Variants in ACSBG1 observed in about 807,000 individuals in gnomAD.
The protein encoded by ACSBG1 is acyl-CoA synthetase bubblegum family member 1, also known as long-chain-fatty-acid--CoA ligase ACSBG1.
Under a neutral mutation model 80.2 loss-of-function variants are expected in ACSBG1, and 39 were observed. That is an observed-to-expected ratio of 0.49 (90% confidence interval 0.38 to 0.64). The LOEUF is 0.64. Among genes scored for constraint, ACSBG1 ranks in the 30% least tolerant of loss-of-function variants. The pLI is 0.00. For synonymous variants in ACSBG1, 392 were observed against 379.5 expected, an observed-to-expected ratio of 1.03 and a Z score of -0.38; for missense variants, 828 against 966.4, an observed-to-expected ratio of 0.86 and a Z score of 1.90.
rs1394788510 is a variant in ACSBG1 at position 78,167,850 on chromosome 15, A to G, written c.*3594T>C. 1.3e-5 allele frequency: 2 copies of G among 152,228 alleles called. No homozygotes were observed. Among genetic ancestry groups the G allele is most frequent in the East Asian group, 1.9e-4 (1 of 5,204 alleles). 9.4% of individuals were successfully genotyped at this position (152,228 alleles called of 1,614,324 possible). ...AAAAAATTCTGTAATTTGAAATTAT[A>G]TCGTGTGGCCAAAATACAAGAAATT... On this transcript the variant is annotated 3_prime_UTR_variant, in exon 14 of 14. Transcript: ENST00000258873.
In ACSBG1 at chr15:78,168,913, T is replaced by C; in HGVS notation, c.*2531A>G. 6.3e-7 allele frequency: 1 copy of C among 1,575,154 alleles called. No homozygotes were observed. The highest frequency in any genetic ancestry group is 1.7e-4 in the Middle Eastern group (1 of 5,952). ...TACATCTTTTATTTTTGCTTTTTCC[T>C]TTTCTCAGAGCTTGACAAAAGATTT... On this transcript the variant is annotated 3_prime_UTR_variant, in exon 14 of 14. Coordinates refer to ENST00000258873, the MANE Select transcript of ACSBG1 (RefSeq NM_015162.5).
At chr15:78,212,712 C>T (rs1397764704) in intron 1 of ACSBG1, 4 of 408,934 alleles carry the variant, frequency 9.8e-6, no homozygotes, top group South Asian at 1.7e-5. Context: ...AGAGGCCCGG[C>T]TCCACCGGAC....
intron 3 of ACSBG1, among the ~76,000 whole-genome samples, 189 bp downstream of exon 3, chr15:78,194,317 G>A (rs897728144): frequency 6.6e-6 from 1 of 152,234 alleles, no homozygotes; most frequent in African/African-American, 2.4e-5. Context: ...CACATGGTAG[G>A]GGCTCAGCAA....
Position 78,180,890 on chromosome 15 carries a change from A to G in ACSBG1, c.1118T>C (p.Met373Thr), listed in dbSNP as rs1363298214. 5.0e-6 allele frequency: 8 copies of G among 1,614,052 alleles called. No individual in the cohort carries two copies. The highest frequency in any genetic ancestry group is 1.6e-4 in the Middle Eastern group (1 of 6,084). The change falls in exon 9 of 14, where the codon ATG (methionine) becomes ACG (threonine). Residue 373 changes from methionine to threonine, a missense_variant. By Grantham distance (81) the Met-to-Thr change is moderately conservative (BLOSUM62 -1). This residue lies in a region of ACSBG1 where 271 missense variants were observed against 375.9 expected (regional missense o/e 0.72). Transcript: ENST00000258873. ...TLREVEPTSH[M>T]GVPRVWEKIM... ...CTTCTCCCATACCCGGGGCACCCCC[A>G]TGTGTGATGTGGGCTCCACCTCCCG...
chr15:78,174,648 G>A (rs1245316633), intron 11 of ACSBG1, 124 bp from the exon 12 acceptor site: 4 of 1,245,256 alleles, frequency 3.2e-6, no homozygotes, highest in Admixed American at 5.4e-5. Flanking sequence ...CTTTCTGGGA[G>A]CCAAGAAGCA....
rs190684334 is a variant in ACSBG1 at position 78,219,042 on chromosome 15, C to T, written c.132-10940G>A. ...GGCCAGGCTGGTCTCAAACTCCTGA[C>T]CTCAGGTGATCTGCCCACCTCGGCC... On this transcript the variant is annotated intron_variant, in intron 1 of 13. Transcript: ENST00000258873. Among the ~76,000 whole-genome samples, 5 of 152,190 alleles carry T rather than the reference C, an allele frequency of 3.3e-5. No individual in the cohort carries two copies. In the East Asian group the frequency reaches 7.7e-4, roughly 24 times the overall value.
chr15:78,173,836 T>G lies in ACSBG1; in HGVS notation c.1846A>C (p.Thr616Pro), dbSNP rs1331126331. Residue 616 changes from threonine (T) to proline (P), a missense_variant, in exon 13 of 14, where the codon ACT becomes CCT. Coordinates refer to ENST00000258873, the MANE Select transcript of ACSBG1 (RefSeq NM_015162.5). Reference protein sequence around the residue: ...FLSMLLTLKCTLDPDTSDQTD... With the variant: ...FLSMLLTLKCPLDPDTSDQTD... The stretch of plus-strand genomic sequence containing the variant: ...TGGTCAGAGGTGTCTGGGTCCAGAG[T>G]GCACTGAAAAGCCAGAGATCAGATG... 1 of 1,613,588 alleles carries G rather than the reference T, an allele frequency of 6.2e-7. No individual in the cohort carries two copies.
rs912416693 is a variant in ACSBG1, at chr15:78,174,447, T to C, written c.1780A>G (p.Ile594Val). ...EEAVKMELPI[I>V]SNAMLIGDQR... ...TCCCCAATGAGCATGGCGTTGCTGA[T>C]GATGGGCAGCTCCATCTTCACGGCC... Residue 594 changes from isoleucine to valine, a missense_variant, in exon 12 of 14, where the codon ATC (isoleucine) becomes GTC (valine). This residue lies in a region of ACSBG1 where 201 missense variants were observed against 227.0 expected (regional missense o/e 0.89). Coordinates refer to ENST00000258873, the MANE Select transcript of ACSBG1 (RefSeq NM_015162.5). 6.2e-7 allele frequency: 1 copy of C among 1,614,148 alleles called. No homozygotes were observed. Among genetic ancestry groups the C allele is most frequent in the Non-Finnish European group, 8.5e-7 (1 of 1,179,998 alleles).
rs1016043610 is a variant in ACSBG1, at chr15:78,178,161, T to C, written c.1702+453A>G. Among the ~76,000 whole-genome samples, 5 of 152,000 alleles carry C rather than the reference T, an allele frequency of 3.3e-5. No homozygotes were observed. The highest frequency in any genetic ancestry group is 3.3e-4 in the Admixed American group (5 of 15,260). Reference sequence around the variant, plus strand: ...GTACCTGCCCCATAGGAGAGTGGAGTAAATAAAACGATGTCACTAAAGGTG... The same window carrying C: ...GTACCTGCCCCATAGGAGAGTGGAGCAAATAAAACGATGTCACTAAAGGTG... On this transcript the variant is annotated intron_variant, in intron 11 of 13. Transcript: ENST00000258873. The surrounding 1 kb of genome is among the most constrained non-coding windows in gnomAD (Gnocchi z 4.3).
At chr15:78,213,898 T>C (rs1388361571) in intron 1 of ACSBG1, 1 of 152,302 alleles carries the variant, frequency 6.6e-6, no homozygotes, top group Non-Finnish European at 1.5e-5. Flanking sequence ...GTAGTCGCAT[T>C]TTCCAAAAGA....
chr15:78,207,069 G>A (rs1414386097), intron 2 of ACSBG1, among the ~76,000 whole-genome samples: 1 of 152,238 alleles, frequency 6.6e-6, no homozygotes, highest in African/African-American at 2.4e-5. Context: ...CCTGCCCTAG[G>A]TGGCTCAGCA....
intron 1 of ACSBG1, among the ~76,000 whole-genome samples, chr15:78,209,675 C>T (rs1054933411): frequency 5.9e-5 from 9 of 152,160 alleles, no homozygotes; most frequent in Non-Finnish European, 1.0e-4. Flanking sequence ...GAGGCCTGCA[C>T]TGTGATCATC....
chr15:78,234,211 G>A (rs1186472990), intron 1 of ACSBG1, among the ~76,000 whole-genome samples, 160 bp downstream of exon 1: 2 of 152,228 alleles, frequency 1.3e-5, no homozygotes, highest in Non-Finnish European at 2.9e-5. Flanking sequence ...CAAATGACCA[G>A]TTCTTCCATC....
intron 5 of ACSBG1, among the ~76,000 whole-genome samples, chr15:78,185,147 C>T (rs911848778): frequency 7.2e-5 from 11 of 151,914 alleles, no homozygotes; most frequent in Non-Finnish European, 1.0e-4. Flanking sequence ...AAAGCTGAGG[C>T]GGCTAGAATT....
chr15:78,177,176 G>A lies in ACSBG1; in HGVS notation c.1702+1438C>T, dbSNP rs867769255. Among the ~76,000 whole-genome samples, 3 of 152,122 alleles carry A rather than the reference G, an allele frequency of 2.0e-5. No individual in the cohort carries two copies. Among genetic ancestry groups the A allele is most frequent in the Admixed American group, 1.3e-4 (2 of 15,258 alleles). On this transcript the variant is annotated intron_variant, in intron 11 of 13. Coordinates refer to ENST00000258873, the MANE Select transcript of ACSBG1 (RefSeq NM_015162.5). This position sits in a 1 kb window ranked among gnomAD's most constrained non-coding sequence, Gnocchi z 4.1. ...ATGGAAATGAAAATGGCCAAGAATAGCCAAGGTCATCTTGAAGAAGAAGAA... is the reference window on the plus strand; with the variant it reads ...ATGGAAATGAAAATGGCCAAGAATAACCAAGGTCATCTTGAAGAAGAAGAA...
intron 1 of ACSBG1, among the ~76,000 whole-genome samples, chr15:78,227,361 A>G (rs942134456): frequency 3.9e-5 from 6 of 152,144 alleles, no homozygotes; most frequent in African/African-American, 1.4e-4. Flanking sequence ...CAATAATAAA[A>G]GGATTAAGAA....
intron 2 of ACSBG1, among the ~76,000 whole-genome samples, chr15:78,197,725 A>G (rs2075128118): frequency 6.7e-6 from 1 of 150,066 alleles, no homozygotes; most frequent in African/African-American, 2.4e-5. Flanking sequence ...TCTTTAAAAA[A>G]AAAAAAAAAA....
At chr15:78,193,745 T>TCC in intron 4 of ACSBG1, 119 bp from the exon 5 acceptor site, 1 of 1,375,574 alleles carries the variant, frequency 7.3e-7, no homozygotes, top group Non-Finnish European at 9.5e-7. Flanking sequence ...CAGGAGGGGC[T>TCC]CCCAAGGCAC....
chr15:78,181,961 A>G lies in ACSBG1; in HGVS notation c.1071+8T>C. The stretch of plus-strand genomic sequence containing the variant: ...GCTCAGACGGACACACGGTAAAGGC[A>G]GACTGACCTTCAGGGCGTCGGGTTC... On this transcript the variant is annotated splice_region_variant and intron_variant, in intron 8 of 13. Coordinates refer to ENST00000258873, the MANE Select transcript of ACSBG1 (RefSeq NM_015162.5). 6.2e-7 allele frequency: 1 copy of G among 1,612,950 alleles called. No homozygotes were observed. Among genetic ancestry groups the G allele is most frequent in the Non-Finnish European group, 8.5e-7 (1 of 1,179,346 alleles).
Sources: allele counts gnomAD v4.1 joint callset (sites outside exome capture counted in the v4.1 genomes callset), GRCh38; gene constraint gnomAD v4.1.1; regional missense constraint gnomAD v4.1.1; non-coding constraint Gnocchi (gnomAD v3.1); transcripts MANE v1.5; gene names NCBI Gene and HGNC (gene_info 2026-07-23, HGNC 2026-07-21).